Variants in WWOX observed in about 807,000 individuals in gnomAD.
The protein encoded by WWOX is WW domain containing oxidoreductase, also known as WW domain-containing oxidoreductase.
WWOX carries 69 observed loss-of-function variants against 46.2 expected under a neutral mutation model. The observed-to-expected ratio is 1.49, with a 90% CI of 1.23 to 1.82. WWOX has a LOEUF of 1.82. Ranked by LOEUF, WWOX falls within the 40% of genes most tolerant of loss-of-function variation. WWOX has a pLI of 0.00. For synonymous variants in WWOX, 359 were observed against 202.6 expected (o/e 1.77, Z -6.56); for missense variants, 919 against 542.6 (o/e 1.69, Z -6.89).
At chr16:78,965,227 A>G (rs2046342800) in intron 8 of WWOX, among the ~76,000 whole-genome samples, 1 of 152,222 alleles carries the variant, frequency 6.6e-6, no homozygotes, top group Non-Finnish European at 1.5e-5. Flanking sequence ...AACAATAGTA[A>G]CAATTCCACA....
intron 8 of WWOX, among the ~76,000 whole-genome samples, chr16:79,126,773 C>T (rs932714387): frequency 1.3e-5 from 2 of 152,124 alleles, no homozygotes; most frequent in Non-Finnish European, 2.9e-5. Flanking sequence ...TAGACTCCAG[C>T]CTACATAAAT....
chr16:78,862,274 C>G (rs1469573706), intron 8 of WWOX, among the ~76,000 whole-genome samples: 4 of 151,334 alleles, frequency 2.6e-5, no homozygotes, highest in African/African-American at 4.9e-5. Context: ...CTATACACAC[C>G]TATGGGTGTG....
chr16:78,828,398 A>G (rs1471784470), intron 8 of WWOX, among the ~76,000 whole-genome samples: 3 of 152,244 alleles, frequency 2.0e-5, no homozygotes, highest in South Asian at 4.2e-4. Flanking sequence ...CATTTAGGCA[A>G]TATGACCGTG....
Position 78,504,739 on chromosome 16 carries a change from C to CT in WWOX, c.1056+71989dup, listed in dbSNP as rs1444305496. On this transcript the variant is annotated intron_variant, in intron 8 of 8. Coordinates refer to ENST00000566780, the MANE Select transcript of WWOX (RefSeq NM_016373.4). The stretch of plus-strand genomic sequence containing the variant: ...TGCAAAAGTGAGGCTGGTCATGGGG[C>CT]TTGGAACCACGCCACGGACGCATGA... 3.3e-5 allele frequency among the ~76,000 whole-genome samples: 5 copies of CT among 151,984 alleles called. No homozygotes were observed. In the East Asian group the frequency reaches 9.7e-4, roughly 29 times the overall value.
At chr16:78,299,232 A>G (rs951919991) in intron 5 of WWOX, among the ~76,000 whole-genome samples, 1 of 152,172 alleles carries the variant, frequency 6.6e-6, no homozygotes, top group African/African-American at 2.4e-5. Context: ...GGGTGCCGTA[A>G]CATGTCTGTG....
rs1047994417 is a variant in WWOX, at chr16:78,277,813, T to A, written c.517-109047T>A. Among the ~76,000 whole-genome samples, 5 of 152,242 alleles carry A rather than the reference T, an allele frequency of 3.3e-5. No homozygotes were observed. In the South Asian group the frequency reaches 1.0e-3, roughly 32 times the overall value. On this transcript the variant is annotated intron_variant, in intron 5 of 8. Transcript: ENST00000566780. ...AGATAAATGCAGGAAAAAGGATACATTTTGAAATCTGGAAATTTTACATAA... is the reference window on the plus strand; with the variant it reads ...AGATAAATGCAGGAAAAAGGATACAATTTGAAATCTGGAAATTTTACATAA...
At chr16:78,736,061 C>T (rs1031547369) in intron 8 of WWOX, among the ~76,000 whole-genome samples, 2 of 152,146 alleles carry the variant, frequency 1.3e-5, no homozygotes, top group African/African-American at 4.8e-5. Context: ...GACAGGGATT[C>T]GGCTTCGCTT....
intron 8 of WWOX, among the ~76,000 whole-genome samples, chr16:78,989,210 T>C (rs2046837020): frequency 6.6e-6 from 1 of 152,204 alleles, no homozygotes; most frequent in South Asian, 2.1e-4. Context: ...CCATCTTGGA[T>C]GCCCCCATCC....
chr16:78,485,379 C>A (rs2084606542), intron 8 of WWOX, among the ~76,000 whole-genome samples: 1 of 151,984 alleles, frequency 6.6e-6, no homozygotes, highest in Non-Finnish European at 1.5e-5. Context: ...CCTAAGGAAC[C>A]CTGTTTTGGG....
At chr16:79,017,039 T>C (rs928659229) in intron 8 of WWOX, 1 of 152,120 alleles carries the variant, frequency 6.6e-6, no homozygotes, top group African/African-American at 2.4e-5. Flanking sequence ...GGAAGAATAA[T>C]ATGAGCACTG....
intron 8 of WWOX, among the ~76,000 whole-genome samples, chr16:79,054,206 A>T (rs890540620): frequency 6.6e-6 from 1 of 152,228 alleles, no homozygotes; most frequent in Admixed American, 6.5e-5. Context: ...CCACAAAAGC[A>T]TGCTGCAACG....
intron 5 of WWOX, among the ~76,000 whole-genome samples, chr16:78,193,165 A>T (rs7184442): frequency 6.6e-6 from 1 of 152,204 alleles, no homozygotes; most frequent in African/African-American, 2.4e-5. Flanking sequence ...TCATATTGTC[A>T]TATATCAATG....
rs963074426 is a variant in WWOX at position 79,211,976 on chromosome 16, G to C, written c.*180G>C. ...CCAATGGGAAGCAGGGAATTCCTGG[G>C]GTAAAGTATCACTTTTCTGGGGCTG... is the stretch of plus-strand genomic sequence containing the variant. On this transcript the variant is annotated 3_prime_UTR_variant, in exon 9 of 9. Transcript: ENST00000566780. 1 of 1,536,182 alleles carries C rather than the reference G, an allele frequency of 6.5e-7. No individual in the cohort carries two copies.
At chr16:78,451,123 T>C (rs1567580964) in intron 8 of WWOX, among the ~76,000 whole-genome samples, 1 of 152,236 alleles carries the variant, frequency 6.6e-6, no homozygotes, top group Admixed American at 6.5e-5. Context: ...AAGGCTCTGT[T>C]GGGTTCTTAG....
At chr16:78,368,663 A>C (rs1202726490) in intron 5 of WWOX, among the ~76,000 whole-genome samples, 1 of 152,170 alleles carries the variant, frequency 6.6e-6, no homozygotes, top group Non-Finnish European at 1.5e-5. Flanking sequence ...CTTCTAATGG[A>C]CATTTGTAAG....
At chr16:79,074,408 C>CTTTTTTT (rs1186773193) in intron 8 of WWOX, among the ~76,000 whole-genome samples, 1 of 63,570 alleles carries the variant, frequency 1.6e-5, no homozygotes, top group Non-Finnish European at 3.0e-5. Flanking sequence ...TGTCACTAGT[C>CTTTTTTT]CTTTTTTTTT....
At chr16:79,152,365 T>A (rs896036118) in intron 8 of WWOX, among the ~76,000 whole-genome samples, 7 of 152,032 alleles carry the variant, frequency 4.6e-5, no homozygotes, top group African/African-American at 1.7e-4. Flanking sequence ...GGGAAGACAG[T>A]TAAGCTTTAA....
At chr16:79,032,367 TATATA>T (rs2047780539) in intron 8 of WWOX, among the ~76,000 whole-genome samples, 1 of 146,124 alleles carries the variant, frequency 6.8e-6, no homozygotes, top group Admixed American at 7.0e-5. Flanking sequence ...TTCTATGTAA[TATATA>T]ATATATTCTA....
intron 8 of WWOX, among the ~76,000 whole-genome samples, chr16:78,564,604 A>G (rs1013015543): frequency 5.9e-5 from 9 of 152,236 alleles, no homozygotes; most frequent in African/African-American, 2.2e-4. Context: ...TCTCCTAAGC[A>G]ATCAATTTCT....
Sources: allele counts gnomAD v4.1 joint callset (sites outside exome capture counted in the v4.1 genomes callset), GRCh38; gene constraint gnomAD v4.1.1; transcripts MANE v1.5; gene names NCBI Gene and HGNC (gene_info 2026-07-23, HGNC 2026-07-21).